The following DYNC2LI1 variants were observed in gnomAD, a reference collection of about 807,000 sequenced individuals.
DYNC2LI1 encodes dynein cytoplasmic 2 light intermediate chain 1, also known as cytoplasmic dynein 2 light intermediate chain 1.
In DYNC2LI1, 45 loss-of-function variants were observed where a neutral mutation model predicts 51.9. The ratio of observed to expected loss-of-function variants is 0.87; its 90% CI spans 0.68 to 1.11. The LOEUF (loss-of-function observed/expected upper bound fraction) is 1.11. Ranked by LOEUF, DYNC2LI1 falls within the 50% of genes most tolerant of loss-of-function variation. The pLI is 0.00. For missense variants in DYNC2LI1, 490 were observed against 417.4 expected, an observed-to-expected ratio of 1.17 and a Z score of -1.51; for synonymous variants, 130 against 137.8, an observed-to-expected ratio of 0.94 and a Z score of 0.40.
At chr2:43,811,663 C>G (rs1002910862), downstream of DYNC2LI1, among the ~76,000 whole-genome samples, 5 of 150,666 alleles carry the variant, frequency 3.3e-5, no homozygotes, top group African/African-American at 1.2e-4. Context: ...GGTGCATTCT[C>G]GGCTCACTGC....
chr2:43,785,711 T>A (rs1673494606), intron 3 of DYNC2LI1, among the ~76,000 whole-genome samples: 1 of 150,004 alleles, frequency 6.7e-6, no homozygotes, highest in Admixed American at 6.6e-5. Flanking sequence ...AAAAAATAAA[T>A]AAATAAAATA....
At chr2:43,827,684 G>A in the DYNC2LI1 span, among the ~76,000 whole-genome samples, 1 of 152,174 alleles carries the variant, frequency 6.6e-6, no homozygotes, top group Admixed American at 6.5e-5. Context: ...TTGCCCTGGT[G>A]AGAAGAAATG....
At position 43,806,488 on chromosome 2, in the gene DYNC2LI1, G is replaced by A. The variant is rs1572723473; in HGVS notation, c.993+1242G>A. Among the ~76,000 whole-genome samples, 3 of 152,244 alleles carry A rather than the reference G, an allele frequency of 2.0e-5. No homozygotes were observed. In the East Asian group the frequency reaches 5.8e-4, roughly 29 times the overall value. On this transcript the variant is annotated intron_variant, in intron 12 of 12. Transcript: ENST00000260605. ...GAAAAATATGCCATGAATATTTAGA[G>A]GTTTTATAGCTGTAGCAAAGTGAGA...
At chr2:43,797,584 G>T (rs969181853) in intron 8 of DYNC2LI1, among the ~76,000 whole-genome samples, 4 of 144,838 alleles carry the variant, frequency 2.8e-5, no homozygotes, top group Admixed American at 7.1e-5. Flanking sequence ...TAATAGCATG[G>T]TCTCGGCTCA....
the DYNC2LI1 span, chr2:43,820,003 G>C: frequency 6.2e-7 from 1 of 1,614,170 alleles, no homozygotes. Context: ...ACGATACCAA[G>C]TAGCACAAGA....
intron 2 of DYNC2LI1, among the ~76,000 whole-genome samples, chr2:43,781,240 A>G (rs537975466): frequency 4.2e-4 from 64 of 152,112 alleles, no homozygotes; most frequent in African/African-American, 1.4e-3. Flanking sequence ...GTGGTGGTGC[A>G]TACTGGTAAT....
chr2:43,800,876 A>T lies in DYNC2LI1; in HGVS notation c.690A>T (p.Ile230=), dbSNP rs1347178986. The change falls in exon 9 of 13, where the codon ATA becomes ATT. Residue 230 remains isoleucine (I), a synonymous_variant. Coordinates refer to ENST00000260605, the MANE Select transcript of DYNC2LI1 (RefSeq NM_016008.4). The part of the protein sequence containing the change: ...TSKSEALLLK[I]RGVINQLAFG... ...AATCAGAAGCTCTATTACTAAAAATACGTGGAGTTATCAACCAGTTGGCAT... is the reference window on the plus strand; with the variant it reads ...AATCAGAAGCTCTATTACTAAAAATTCGTGGAGTTATCAACCAGTTGGCAT... The T allele has an allele frequency of 1.9e-6, 3 of 1,604,592 alleles. No individual in the cohort carries two copies. The highest frequency in any genetic ancestry group is 2.6e-6 in the Non-Finnish European group (3 of 1,174,832).
At chr2:43,779,116 G>A (rs116755390) in intron 2 of DYNC2LI1, among the ~76,000 whole-genome samples, 3,268 of 152,076 alleles carry the variant, frequency 0.021, 82 homozygotes, top group African/African-American at 0.061. Flanking sequence ...ACAATTAGCC[G>A]GGTGTGGTGG....
chr2:43,793,098 A>G (rs190366025), intron 5 of DYNC2LI1: 224 of 195,226 alleles, frequency 1.1e-3, no homozygotes, highest in Non-Finnish European at 4.8e-4. Flanking sequence ...CAGTGGCTGC[A>G]CCATTTTACA....
the DYNC2LI1 span, chr2:43,822,921 C>G: frequency 6.2e-7 from 1 of 1,614,042 alleles, no homozygotes; most frequent in South Asian, 1.1e-5. Context: ...TCGCTGACAG[C>G]TCGCAGCACG....
Position 43,795,969 on chromosome 2 carries a change from C to T in DYNC2LI1, c.576+11C>T, listed in dbSNP as rs763883593. The T allele has an allele frequency of 5.6e-6, 9 of 1,606,038 alleles. No individual in the cohort carries two copies. The highest frequency in any genetic ancestry group is 7.7e-6 in the Non-Finnish European group (9 of 1,172,976). On this transcript the variant is annotated intron_variant, in intron 7 of 12. Coordinates refer to ENST00000260605, the MANE Select transcript of DYNC2LI1 (RefSeq NM_016008.4). ...TATGATGTTTTTCAGGTAAGCTCTT[C>T]CGCTTCTAGCTGAGTTTGTTGTACA...
chr2:43,787,125 A>T, intron 3 of DYNC2LI1, 56 bp from the exon 4 acceptor site: 3 of 1,404,662 alleles, frequency 2.1e-6, no homozygotes, highest in Non-Finnish European at 1.0e-6. Flanking sequence ...GTAAGGTGAT[A>T]GCATAAGAAA....
In DYNC2LI1 at chr2:43,796,795, G is replaced by T. The variant is rs1274838653; in HGVS notation, c.654G>T (p.Met218Ile). ...CACATTATTATGGAGCATCATTAAT[G>T]GTTTGTACATTTCTTGTCCTTTGGG... ...FVAHYYGASL[M>I]FTSKSEALLL... The change falls in exon 8 of 13, where the codon ATG (methionine) becomes ATT (isoleucine). Residue 218 changes from methionine to isoleucine, a missense_variant and splice_region_variant. By Grantham distance (10) the Met-to-Ile change is conservative. Transcript: ENST00000260605. The T allele has an allele frequency of 6.2e-7, 1 of 1,612,880 alleles. No individual in the cohort carries two copies. Among genetic ancestry groups the T allele is most frequent in the South Asian group, 1.1e-5 (1 of 91,006 alleles).
chr2:43,827,495 G>A, the DYNC2LI1 span, among the ~76,000 whole-genome samples: 1 of 152,212 alleles, frequency 6.6e-6, no homozygotes, highest in African/African-American at 2.4e-5. Context: ...GTTTCCCCAG[G>A]TGATGGGGAA....
At position 43,804,833 on chromosome 2, in the gene DYNC2LI1, T is replaced by G. The variant is rs1666190530; in HGVS notation, c.900+94T>G. 6 of 740,430 alleles carry G rather than the reference T, an allele frequency of 8.1e-6. No homozygotes were observed. The South Asian group carries it at 1.3e-4, about 17-fold the overall frequency. The allele number at this position is 740,430 out of a possible 1,614,324, so 45.9% of individuals were successfully genotyped here. A position where few individuals can be genotyped will look rare whatever the true frequency, so the allele number is the denominator to read the frequency against. ...AAGGGCTTATTATGATAACTTTGTT[T>G]TCATCTTTTATGCTCAAAAATCAAT... On this transcript the variant is annotated intron_variant, in intron 11 of 12. Transcript: ENST00000260605.
At chr2:43,821,621 T>C in the DYNC2LI1 span, among the ~76,000 whole-genome samples, 1 of 152,196 alleles carries the variant, frequency 6.6e-6, no homozygotes, top group African/African-American at 2.4e-5. Flanking sequence ...GAAGGTGTGC[T>C]GGACAATGCC....
chr2:43,815,117 G>A, the DYNC2LI1 span, among the ~76,000 whole-genome samples: 2 of 152,154 alleles, frequency 1.3e-5, no homozygotes, highest in Admixed American at 1.3e-4. Flanking sequence ...AAAGTTGAAG[G>A]TACCAACGTA....
At chr2:43,824,799 A>C in the DYNC2LI1 span, 1 of 1,570,514 alleles carries the variant, frequency 6.4e-7, no homozygotes, top group Non-Finnish European at 8.7e-7. Flanking sequence ...GCAAAAATCA[A>C]ATCCACTAGA....
chr2:43,817,605 T>G, the DYNC2LI1 span, among the ~76,000 whole-genome samples: 1 of 151,862 alleles, frequency 6.6e-6, no homozygotes, highest in Non-Finnish European at 1.5e-5. Flanking sequence ...GTTGAAAATA[T>G]TCTAAGTTAA....
Sources: gnomAD v4.1 joint callset for allele counts (sites outside exome capture counted in the v4.1 genomes callset) on GRCh38, gnomAD v4.1.1 for gene constraint, MANE v1.5 for transcripts, NCBI Gene and HGNC (gene_info 2026-07-23, HGNC 2026-07-21) for gene names.